Variants in ESPNL observed in about 807,000 individuals in gnomAD.
ESPNL encodes the protein espin-like protein.
ESPNL carries 49 observed loss-of-function variants against 46.8 expected under a neutral mutation model. The observed-to-expected ratio is 1.05, with a 90% CI of 0.83 to 1.33. The LOEUF is 1.33. Among genes scored for constraint, ESPNL ranks in the 40% most tolerant of loss-of-function variants. ESPNL has a pLI of 0.00. For synonymous variants in ESPNL, 664 were observed against 662.1 expected (o/e 1.00, Z -0.04); for missense variants, 1,540 against 1,436.6 (o/e 1.07, Z -1.16).
chr2:238,106,602 G>A (rs1691604055), intron 3 of ESPNL, among the ~76,000 whole-genome samples: 1 of 152,186 alleles, frequency 6.6e-6, no homozygotes, highest in Non-Finnish European at 1.5e-5. Flanking sequence ...TCCTCCCTTT[G>A]CCCCTCCAGC....
At position 238,114,482 on chromosome 2, in the gene ESPNL, G is replaced by A. The variant is rs563020361; in HGVS notation, c.856-2421G>A. Among the ~76,000 whole-genome samples, 3 of 152,118 alleles carry A rather than the reference G, an allele frequency of 2.0e-5. No individual in the cohort carries two copies. Among genetic ancestry groups the A allele is most frequent in the Non-Finnish European group, 2.9e-5 (2 of 67,980 alleles). ...GCCATTCCCCCAGCCCAGAGCCTCC[G>A]GGAGCAGTGCCTCTCTCCAGCGACT... On this transcript the variant is annotated intron_variant, in intron 4 of 8. Transcript: ENST00000343063. The surrounding 1 kb of genome is among the most constrained non-coding windows in gnomAD (Gnocchi z 5.0).
rs1559269080 is a variant in ESPNL at position 238,130,123 on chromosome 2, C to CCCAG, written c.1414-4_1414-1dup. On this transcript the variant is annotated splice_polypyrimidine_tract_variant and splice_region_variant and intron_variant, in intron 8 of 8. Transcript: ENST00000343063. ...CCCTGCTCACCCTGCCCTTCCTGTG[C>CCCAG]CCAGGACAATGGTGGGAGCTCAGGC... 6.2e-7 allele frequency: 1 copy of CCCAG among 1,605,674 alleles called. No homozygotes were observed. The highest frequency in any genetic ancestry group is 2.2e-5 in the East Asian group (1 of 44,698).
rs1692350961 is a variant in ESPNL at position 238,131,894 on chromosome 2, T to C, written c.*162T>C. The C allele has an allele frequency of 9.6e-5, 73 of 763,244 alleles. 1 individual carries two copies. The South Asian group carries it at 1.4e-3, about 14-fold the overall frequency. 47.3% of individuals were successfully genotyped at this position (763,244 alleles called of 1,614,324 possible). ...CGGGACTGTTCTGTTGTGGCATGGT[T>C]CTCCTCCGAGCTGGGACTCAGACTC... On this transcript the variant is annotated 3_prime_UTR_variant, in exon 9 of 9. Transcript: ENST00000343063.
At chr2:238,101,186 CCCCTT>C (rs1375046568) in intron 1 of ESPNL, among the ~76,000 whole-genome samples, 2 of 152,198 alleles carry the variant, frequency 1.3e-5, no homozygotes, top group Non-Finnish European at 2.9e-5. Flanking sequence ...CCTGCCCAGT[CCCCTT>C]TGTGCAGGCG....
rs547798677 is a variant in ESPNL, at chr2:238,130,895, C to T, written c.2181C>T (p.Ala727=). ...SCEEVPSEAG[A]AAGPDLASLR... ...AGGAGGTGCCATCAGAGGCGGGTGC[C>T]GCAGCCGGCCCAGACCTGGCCAGCC... The change falls in exon 9 of 9, where the codon GCC becomes GCT. Residue 727 remains alanine (A), a synonymous_variant. Coordinates refer to ENST00000343063, the MANE Select transcript of ESPNL (RefSeq NM_194312.4). 1.0e-5 allele frequency: 16 copies of T among 1,545,424 alleles called. No homozygotes were observed. In the African/African-American group the frequency reaches 1.1e-4, roughly 11 times the overall value.
Position 238,107,795 on chromosome 2 carries a change from C to G in ESPNL, c.677C>G (p.Thr226Arg), listed in dbSNP as rs761996913. ...CCTCTGCCCCTCCTTCCCCAGGTCA[C>G]ATTCACCGACATCGGACTCACGGCA... ...GHYSLVVWLV[T>R]FTDIGLTARD... The change falls in exon 4 of 9, where the codon ACA becomes AGA. Residue 226 changes from threonine (T) to arginine (R), a missense_variant. By Grantham distance (71) the Thr-to-Arg change is moderately conservative (BLOSUM62 -1). Transcript: ENST00000343063. 2.5e-6 allele frequency: 4 copies of G among 1,586,774 alleles called. No individual in the cohort carries two copies. In the East Asian group the frequency reaches 6.9e-5, roughly 27 times the overall value.
intron 8 of ESPNL, 110 bp downstream of exon 8, chr2:238,129,014 G>GT (rs1559268541): frequency 6.9e-7 from 1 of 1,448,214 alleles, no homozygotes. Context: ...AGACCCAGGG[G>GT]CCCCTCTCCT....
chr2:238,128,206 G>A (rs1485892000), intron 7 of ESPNL, among the ~76,000 whole-genome samples: 3 of 152,210 alleles, frequency 2.0e-5, no homozygotes. Context: ...CTTTCCCTGC[G>A]TGGTACTGCA....
At chr2:238,126,390 CTG>C (rs1340426238) in intron 6 of ESPNL, among the ~76,000 whole-genome samples, 2 of 142,618 alleles carry the variant, frequency 1.4e-5, no homozygotes, top group African/African-American at 5.2e-5. Context: ...TTGTGTGTCT[CTG>C]TATGATTATG....
chr2:238,127,735 G>A lies in ESPNL; in HGVS notation c.1215+1G>A. The A allele has an allele frequency of 1.2e-6, 2 of 1,604,898 alleles. No individual in the cohort carries two copies. The highest frequency in any genetic ancestry group is 1.7e-6 in the Non-Finnish European group (2 of 1,176,130). On this transcript the variant is annotated splice_donor_variant, in intron 7 of 8. Coordinates refer to ENST00000343063, the MANE Select transcript of ESPNL (RefSeq NM_194312.4). LOFTEE classifies it high-confidence loss of function. The stretch of plus-strand genomic sequence containing the variant: ...CACCAGTGCCACGGCTGACCCCGAG[G>A]TTCGTCCTCCACCCCTGCATTCCTG...
chr2:238,104,704 C>G lies in ESPNL; in HGVS notation c.534C>G (p.Ala178=). 6.2e-7 allele frequency: 1 copy of G among 1,607,530 alleles called. No individual in the cohort carries two copies. The highest frequency in any genetic ancestry group is 8.5e-7 in the Non-Finnish European group (1 of 1,178,090). ...GTGGCGCCTCCCCACTCTACCTGGCCTGCCAGGAGGGCCACCTGCACCTGG... is the reference window on the plus strand; with the variant it reads ...GTGGCGCCTCCCCACTCTACCTGGCGTGCCAGGAGGGCCACCTGCACCTGG... The part of the protein sequence containing the change: ...TRSGASPLYL[A]CQEGHLHLAQ... The change falls in exon 3 of 9, where the codon GCC becomes GCG. Residue 178 remains alanine (A), a synonymous_variant. Coordinates refer to ENST00000343063, the MANE Select transcript of ESPNL (RefSeq NM_194312.4).
At chr2:238,104,170 C>T (rs137901513) in intron 2 of ESPNL, among the ~76,000 whole-genome samples, 3 of 152,230 alleles carry the variant, frequency 2.0e-5, no homozygotes, top group Non-Finnish European at 2.9e-5. Flanking sequence ...GCAGGCTTGG[C>T]GGGAAAGCAG....
intron 3 of ESPNL, 22 bp from the exon 4 acceptor site, chr2:238,107,769 C>G: frequency 3.2e-6 from 5 of 1,551,946 alleles, no homozygotes; most frequent in Non-Finnish European, 4.4e-6. Flanking sequence ...GATGGCTGCT[C>G]CCTCTGCCCC....
intron 7 of ESPNL, among the ~76,000 whole-genome samples, chr2:238,128,007 C>G (rs953734569): frequency 3.9e-5 from 6 of 152,214 alleles, no homozygotes; most frequent in Non-Finnish European, 5.9e-5. Flanking sequence ...GCCCCTCTCC[C>G]TGACCTCTGA....
chr2:238,116,868 C>A (rs373225779), intron 4 of ESPNL, 35 bp from the exon 5 acceptor site: 8 of 1,606,102 alleles, frequency 5.0e-6, no homozygotes, highest in South Asian at 1.1e-5. Flanking sequence ...TGGTTTGTGT[C>A]GTGGTGGGTC....
At chr2:238,120,572 C>T (rs1691963957) in intron 5 of ESPNL, among the ~76,000 whole-genome samples, 1 of 152,270 alleles carries the variant, frequency 6.6e-6, no homozygotes, top group African/African-American at 2.4e-5. Flanking sequence ...CCCTCCTGCC[C>T]GCGCCTGGGC....
At position 238,100,356 on chromosome 2, in the gene ESPNL, T is replaced by C; in HGVS notation, c.-64T>C. The C allele has an allele frequency of 8.2e-7, 1 of 1,219,384 alleles. No individual in the cohort carries two copies. The allele number at this position is 1,219,384 out of a possible 1,614,324, so 75.5% of individuals were successfully genotyped here. A position where few individuals can be genotyped will look rare whatever the true frequency, so the allele number is the denominator to read the frequency against. On this transcript the variant is annotated 5_prime_UTR_variant, in exon 1 of 9. Transcript: ENST00000343063. ...CGGGTAACCAGAGCCGGCAGCTTCA[T>C]CCACGTCTGAAACAGGAAGCCCCAG...
rs1692269702 is a variant in ESPNL at position 238,130,317 on chromosome 2, G to A, written c.1603G>A (p.Ala535Thr). ...EYESELGRLAAELQALLPEPL... is the reference protein window; with the variant it reads ...EYESELGRLATELQALLPEPL... ...TGAGAGTGAGCTGGGCCGGTTGGCG[G>A]CTGAGCTGCAGGCCCTGCTGCCCGA... The change falls in exon 9 of 9, where the codon GCT becomes ACT. Residue 535 changes from alanine (A) to threonine (T), a missense_variant. Transcript: ENST00000343063. The A allele has an allele frequency of 1.2e-6, 2 of 1,606,974 alleles. No individual in the cohort carries two copies. Among genetic ancestry groups the A allele is most frequent in the African/African-American group, 1.3e-5 (1 of 74,848 alleles).
At chr2:238,128,552 G>C (rs892690388) in intron 7 of ESPNL, among the ~76,000 whole-genome samples, 155 bp from the exon 8 acceptor site, 1 of 152,166 alleles carries the variant, frequency 6.6e-6, no homozygotes, top group Non-Finnish European at 1.5e-5. Context: ...GGATGAGGGG[G>C]TGGGGTGCTG....
Sources: gnomAD v4.1 joint callset for allele counts (sites outside exome capture counted in the v4.1 genomes callset) on GRCh38, gnomAD v4.1.1 for gene constraint, Gnocchi (gnomAD v3.1) non-coding constraint, MANE v1.5 for transcripts, NCBI Gene and HGNC (gene_info 2026-07-23, HGNC 2026-07-21) for gene names.